ATXN7: variants seen among roughly 807,000 people sequenced by gnomAD.
ATXN7 encodes the protein ataxin 7.
ATXN7 carries 12 observed loss-of-function variants against 70.5 expected under a neutral mutation model. The ratio of observed to expected loss-of-function variants is 0.17; its 90% confidence interval spans 0.11 to 0.28. The LOEUF (loss-of-function observed/expected upper bound fraction) is 0.28, where lower values mean the gene tolerates loss of function less well. Among genes scored for constraint, ATXN7 ranks in the 10% least tolerant of loss-of-function variants. The pLI, the probability that ATXN7 is intolerant of heterozygous loss-of-function variation, is 1.00. For synonymous variants in ATXN7, 498 were observed against 448.7 expected (o/e 1.11, Z -1.39); for missense variants, 1,256 against 1,131.7 (o/e 1.11, Z -1.58).
chr3:63,863,458 G>A (rs1702286391), upstream of ATXN7: 1 of 1,147,448 alleles, frequency 8.7e-7, no homozygotes, highest in Non-Finnish European at 1.1e-6. Context: ...AGCCGTCTCG[G>A]CCACCCACGT....
intron 5 of ATXN7, among the ~76,000 whole-genome samples, chr3:63,959,912 C>T (rs182109268): frequency 6.6e-5 from 10 of 152,204 alleles, no homozygotes; most frequent in African/African-American, 2.2e-4. Context: ...TAGGCATTGC[C>T]CTCCACTGAG....
chr3:63,881,465 T>C (rs1702905313), intron 1 of ATXN7, among the ~76,000 whole-genome samples: 1 of 152,018 alleles, frequency 6.6e-6, no homozygotes, highest in Non-Finnish European at 1.5e-5. Flanking sequence ...AAACTGGCCT[T>C]GTTCATTGTG....
At chr3:63,932,815 T>A (rs1401320618) in intron 4 of ATXN7, among the ~76,000 whole-genome samples, 2 of 152,182 alleles carry the variant, frequency 1.3e-5, no homozygotes, top group Non-Finnish European at 2.9e-5. Flanking sequence ...AGGCCTCTGG[T>A]CCAGTTTTAT....
intron 5 of ATXN7, among the ~76,000 whole-genome samples, chr3:63,956,206 C>T (rs2075036130): frequency 6.6e-6 from 1 of 151,822 alleles, no homozygotes; most frequent in Non-Finnish European, 1.5e-5. Flanking sequence ...TCCAGTGTGC[C>T]TCATATTTCT....
At chr3:63,906,833 A>G (rs1703856315) in intron 2 of ATXN7, among the ~76,000 whole-genome samples, 2 of 152,208 alleles carry the variant, frequency 1.3e-5, no homozygotes, top group East Asian at 1.9e-4. Context: ...GGGCTAGACC[A>G]TAGACTACCT....
chr3:63,887,207 G>A (rs1483691908), intron 1 of ATXN7, among the ~76,000 whole-genome samples: 1 of 152,194 alleles, frequency 6.6e-6, no homozygotes, highest in African/African-American at 2.4e-5. Context: ...TTGTGATGTA[G>A]TGCCAGAATG....
chr3:63,988,279 C>T lies in ATXN7; in HGVS notation c.1316C>T (p.Pro439Leu), dbSNP rs2075611260. ...GGAGTGATTCCTTCCGAATCAAAGC[C>T]TTTTGTAGCTAGTAAACCTAAACCT... ...PHGVIPSESK[P>L]FVASKPKPHT... is the part of the protein sequence containing the mutation. Residue 439 changes from proline (P) to leucine (L), a missense_variant, in exon 9 of 13, where the codon CCT becomes CTT. Pro to Leu is a moderately conservative substitution (Grantham distance 98, BLOSUM62 -3). Coordinates refer to ENST00000674280, the MANE Select transcript of ATXN7 (RefSeq NM_001377405.1). 1.9e-6 allele frequency: 3 copies of T among 1,614,062 alleles called. No individual in the cohort carries two copies. Among genetic ancestry groups the T allele is most frequent in the Non-Finnish European group, 2.5e-6 (3 of 1,180,026 alleles).
At chr3:63,931,029 A>G (rs1171805068) in intron 4 of ATXN7, among the ~76,000 whole-genome samples, 2 of 152,226 alleles carry the variant, frequency 1.3e-5, no homozygotes, top group African/African-American at 2.4e-5. Context: ...ACTGCTAAGA[A>G]AAGGTGAGAC....
intron 5 of ATXN7, among the ~76,000 whole-genome samples, chr3:63,961,454 A>G (rs750196542): frequency 6.6e-6 from 1 of 152,134 alleles, no homozygotes; most frequent in Non-Finnish European, 1.5e-5. Context: ...GATTCTCCGC[A>G]TGGAACCTGG....
At chr3:63,924,127 T>C (rs915149848) in intron 4 of ATXN7, among the ~76,000 whole-genome samples, 2 of 152,194 alleles carry the variant, frequency 1.3e-5, no homozygotes, top group African/African-American at 4.8e-5. Context: ...AGGTGGAGTT[T>C]ACATGATTTG....
At chr3:63,963,628 C>T (rs139987040) in intron 5 of ATXN7, among the ~76,000 whole-genome samples, 1 of 152,316 alleles carries the variant, frequency 6.6e-6, no homozygotes, top group Non-Finnish European at 1.5e-5. Context: ...CACACTTCTG[C>T]TCCTTTTCTA....
At chr3:63,927,689 C>G (rs1553687856) in intron 4 of ATXN7, among the ~76,000 whole-genome samples, 1 of 152,188 alleles carries the variant, frequency 6.6e-6, no homozygotes, top group Non-Finnish European at 1.5e-5. Flanking sequence ...AAGATAAACT[C>G]TGTGCTTTTT....
chr3:63,992,698 G>T (rs980665438), intron 11 of ATXN7, among the ~76,000 whole-genome samples: 3 of 152,150 alleles, frequency 2.0e-5, no homozygotes, highest in Admixed American at 2.0e-4. Flanking sequence ...CTGTCTGAAG[G>T]CTGCCTACTT....
intron 8 of ATXN7, among the ~76,000 whole-genome samples, chr3:63,984,975 GGGCTGAAT>G (rs2075550630): frequency 6.6e-6 from 1 of 152,132 alleles, no homozygotes; most frequent in Non-Finnish European, 1.5e-5. Context: ...TTCTTTTTAA[GGGCTGAAT>G]AGTATTCCAG....
At chr3:63,934,400 A>G (rs1164562952) in intron 4 of ATXN7, among the ~76,000 whole-genome samples, 1 of 151,782 alleles carries the variant, frequency 6.6e-6, no homozygotes, top group African/African-American at 2.4e-5. Context: ...TATGGGAACC[A>G]CTCTGAGCCA....
At chr3:63,892,947 G>A (rs972566727) in intron 1 of ATXN7, among the ~76,000 whole-genome samples, 1 of 152,136 alleles carries the variant, frequency 6.6e-6, no homozygotes, top group Non-Finnish European at 1.5e-5. Context: ...AGTTCAAGGA[G>A]GCATGAACAA....
chr3:63,934,271 C>T (rs2074616734), intron 4 of ATXN7, among the ~76,000 whole-genome samples: 2 of 152,172 alleles, frequency 1.3e-5, no homozygotes, highest in Admixed American at 1.3e-4. Flanking sequence ...ATGATAGAGT[C>T]TGGCCTCTTT....
intron 1 of ATXN7, among the ~76,000 whole-genome samples, chr3:63,879,562 G>T (rs1464843034): frequency 6.6e-6 from 1 of 150,692 alleles, no homozygotes; most frequent in African/African-American, 2.4e-5. Flanking sequence ...CGCGATCTCG[G>T]CTCACTGCAA....
chr3:63,869,438 T>G (rs146337080), intron 1 of ATXN7, among the ~76,000 whole-genome samples: 200 of 152,334 alleles, frequency 1.3e-3, no homozygotes, highest in African/African-American at 4.6e-3. Flanking sequence ...CTTTTTGTTT[T>G]TTTTTGAGAC....
Sources: allele counts gnomAD v4.1 joint callset (sites outside exome capture counted in the v4.1 genomes callset), GRCh38; gene constraint gnomAD v4.1.1; transcripts MANE v1.5; gene names NCBI Gene and HGNC (gene_info 2026-07-23, HGNC 2026-07-21).